Variants in AEN observed in about 807,000 individuals in gnomAD.
AEN encodes the protein apoptosis enhancing nuclease.
In AEN, 21 loss-of-function variants were observed where a neutral mutation model predicts 17.7. That is an observed-to-expected ratio of 1.19 (90% CI 0.84 to 1.71). AEN has a LOEUF of 1.71. AEN is among the 40% of genes most tolerant of loss of function. The probability of loss-of-function intolerance (pLI) is 0.00; values close to 1 mark genes in which losing one functional copy is unlikely to be tolerated. For synonymous variants in AEN, 190 were observed against 173.0 expected (o/e 1.10, Z -0.77); for missense variants, 462 against 435.9 (o/e 1.06, Z -0.53).
At chr15:88,606,619 G>A in the AEN span, among the ~76,000 whole-genome samples, 5 of 152,200 alleles carry the variant, frequency 3.3e-5, no homozygotes, top group African/African-American at 9.6e-5. Context: ...GGTGGGTGGC[G>A]GGGCTTTGGC....
intron 1 of AEN, among the ~76,000 whole-genome samples, chr15:88,622,141 G>A (rs1172621081): frequency 6.6e-6 from 1 of 152,134 alleles, no homozygotes; most frequent in African/African-American, 2.4e-5. Context: ...TGACTTCTTG[G>A]TTCCTTTGGG....
chr15:88,631,752 A>G lies in AEN; in HGVS notation c.*1458A>G, dbSNP rs1310987112. ...TCCACAGGCTGAGCAGCTGTGGCCC[A>G]GACAGAACTGCTCCGGCTTGGCTGT... On this transcript the variant is annotated 3_prime_UTR_variant, in exon 4 of 4. Coordinates refer to ENST00000332810, the MANE Select transcript of AEN (RefSeq NM_022767.4). 3 of 152,402 alleles carry G rather than the reference A, an allele frequency of 2.0e-5. No homozygotes were observed. In the East Asian group the frequency reaches 5.8e-4, roughly 29 times the overall value. 9.4% of individuals were successfully genotyped at this position (152,402 alleles called of 1,614,324 possible). A position where few individuals can be genotyped will look rare whatever the true frequency, so the allele number is the denominator to read the frequency against.
chr15:88,609,967 C>T, the AEN span, among the ~76,000 whole-genome samples: 1 of 152,158 alleles, frequency 6.6e-6, no homozygotes, highest in African/African-American at 2.4e-5. Flanking sequence ...GAGCTTCTAG[C>T]AGGGCAGTGG....
At chr15:88,610,946 A>T in the AEN span, among the ~76,000 whole-genome samples, 1 of 152,136 alleles carries the variant, frequency 6.6e-6, no homozygotes, top group Non-Finnish European at 1.5e-5. Flanking sequence ...CTGCAAGGGA[A>T]ATTAACCAGG....
upstream of AEN, among the ~76,000 whole-genome samples, chr15:88,616,973 G>A (rs2057743791): frequency 1.3e-5 from 2 of 152,128 alleles, no homozygotes; most frequent in Admixed American, 1.3e-4. Context: ...ATCCGGACAT[G>A]GCCTCATTGT....
intron 3 of AEN, 128 bp downstream of exon 3, chr15:88,629,554 G>GGAA: frequency 1.7e-6 from 2 of 1,171,476 alleles, no homozygotes; most frequent in Non-Finnish European, 2.4e-6. Context: ...CCAGGTCCAG[G>GGAA]GACCTTGCTT....
At chr15:88,608,586 A>G in the AEN span, among the ~76,000 whole-genome samples, 1 of 152,344 alleles carries the variant, frequency 6.6e-6, no homozygotes, top group East Asian at 1.9e-4. Flanking sequence ...GAAGAACTGC[A>G]TTGCTTGTGA....
chr15:88,618,707 A>G (rs1364900895), upstream of AEN, among the ~76,000 whole-genome samples: 2 of 152,230 alleles, frequency 1.3e-5, no homozygotes, highest in African/African-American at 4.8e-5. Flanking sequence ...GTTTACATTA[A>G]AACCATAGAG....
rs2278598 is a variant in AEN at position 88,631,517 on chromosome 15, G to C, written c.*1223G>C. 0.82 allele frequency: 168,961 copies of C among 204,806 alleles called. 71,853 individuals carry two copies. The highest frequency in any genetic ancestry group is 0.92 in the Non-Finnish European group (88,884 of 96,426). 12.7% of individuals were successfully genotyped at this position (204,806 alleles called of 1,614,324 possible). On this transcript the variant is annotated 3_prime_UTR_variant, in exon 4 of 4. Transcript: ENST00000332810. ...GCAAGCGAGGGACTTCACTCTTGAGGCTGTTTTTTCCTCATCTGTAAAGTG... is the reference window on the plus strand; with the variant it reads ...GCAAGCGAGGGACTTCACTCTTGAGCCTGTTTTTTCCTCATCTGTAAAGTG...
chr15:88,613,589 G>T, the AEN span, among the ~76,000 whole-genome samples: 4 of 151,782 alleles, frequency 2.6e-5, no homozygotes, highest in East Asian at 1.9e-4. Context: ...AGCATCTCGG[G>T]GGGGGATGTG....
chr15:88,616,529 TAAGA>T (rs1462063713), upstream of AEN, among the ~76,000 whole-genome samples: 1 of 152,166 alleles, frequency 6.6e-6, no homozygotes, highest in Admixed American at 6.5e-5. Flanking sequence ...GTGGTTTCCC[TAAGA>T]AAGAAGGGGT....
At chr15:88,611,880 G>T in the AEN span, 3 of 521,008 alleles carry the variant, frequency 5.8e-6, no homozygotes, top group Non-Finnish European at 7.8e-6. Flanking sequence ...TTTTGTTGTT[G>T]TCTTACTGCG....
chr15:88,606,168 G>A, the AEN span, among the ~76,000 whole-genome samples: 8 of 152,146 alleles, frequency 5.3e-5, no homozygotes, highest in Admixed American at 3.9e-4. Context: ...CTGGTGTTCC[G>A]TGAAAAATCG....
intron 1 of AEN, among the ~76,000 whole-genome samples, chr15:88,622,552 G>A (rs1216421558): frequency 6.6e-6 from 1 of 152,200 alleles, no homozygotes; most frequent in East Asian, 1.9e-4. Context: ...TTACAAGAAA[G>A]GGCCATGATT....
the AEN span, among the ~76,000 whole-genome samples, chr15:88,615,865 T>G: frequency 6.6e-6 from 1 of 152,110 alleles, no homozygotes; most frequent in East Asian, 1.9e-4. Context: ...CAAAAAGTCC[T>G]CAGAATGAGT....
chr15:88,613,264 T>C, the AEN span, among the ~76,000 whole-genome samples: 19 of 152,292 alleles, frequency 1.2e-4, no homozygotes, highest in South Asian at 3.9e-3. Context: ...CTGCCTCTGC[T>C]TCTGCTGCTC....
chr15:88,629,432 T>C lies in AEN; in HGVS notation c.741+6T>C. The stretch of plus-strand genomic sequence containing the variant: ...TGCTGCACAAGAAGATCCAGGTGCG[T>C]GGTGGGAGAGTGGCTGGAAGGGAGG... On this transcript the variant is annotated splice_donor_region_variant and intron_variant, in intron 3 of 3. Transcript: ENST00000332810. 2 of 1,612,056 alleles carry C rather than the reference T, an allele frequency of 1.2e-6. No individual in the cohort carries two copies. The highest frequency in any genetic ancestry group is 4.5e-5 in the East Asian group (2 of 44,812).
the AEN span, among the ~76,000 whole-genome samples, chr15:88,610,307 A>AT: frequency 0.05 from 6,856 of 136,174 alleles, 221 homozygotes; most frequent in African/African-American, 0.09. Context: ...GCACGGGGCT[A>AT]TTTTTTTTTT....
At chr15:88,620,603 G>C (rs1195859315), upstream of AEN, among the ~76,000 whole-genome samples, 1 of 151,854 alleles carries the variant, frequency 6.6e-6, no homozygotes, top group Admixed American at 6.6e-5. Flanking sequence ...GGAGAGATGG[G>C]GTTTCATGTT....
Sources: allele counts gnomAD v4.1 joint callset (sites outside exome capture counted in the v4.1 genomes callset), GRCh38; gene constraint gnomAD v4.1.1; transcripts MANE v1.5; gene names NCBI Gene and HGNC (gene_info 2026-07-23, HGNC 2026-07-21).